Variants in TMEM135 observed in about 807,000 individuals in gnomAD.
TMEM135 encodes peroxisomal membrane protein 52.
A neutral mutation model predicts 60.3 loss-of-function variants in TMEM135; 30 were observed. The observed-to-expected ratio is 0.50, with a 90% CI of 0.37 to 0.68. The LOEUF (loss-of-function observed/expected upper bound fraction) is 0.68. Among genes scored for constraint, TMEM135 ranks in the 30% least tolerant of loss-of-function variants. The probability of loss-of-function intolerance (pLI) is 0.00; values close to 1 mark genes in which losing one functional copy is unlikely to be tolerated. For missense variants in TMEM135, 468 were observed against 548.8 expected, an observed-to-expected ratio of 0.85 and a Z score of 1.47; for synonymous variants, 190 against 186.7, an observed-to-expected ratio of 1.02 and a Z score of -0.14.
intron 8 of TMEM135, among the ~76,000 whole-genome samples, chr11:87,302,727 C>A (rs901700539): frequency 4.6e-5 from 7 of 152,098 alleles, no homozygotes; most frequent in Admixed American, 2.6e-4. Flanking sequence ...TGGAGAACTT[C>A]AGGAAACTGA....
chr11:87,094,096 A>C (rs1857269563), intron 4 of TMEM135, among the ~76,000 whole-genome samples: 1 of 152,126 alleles, frequency 6.6e-6, no homozygotes, highest in African/African-American at 2.4e-5. Flanking sequence ...GATTTTATAC[A>C]AGGAATTTCC....
chr11:87,262,116 A>C lies in TMEM135; in HGVS notation c.509+25432A>C, dbSNP rs185863706. On this transcript the variant is annotated intron_variant, in intron 6 of 14. Coordinates refer to ENST00000305494, the MANE Select transcript of TMEM135 (RefSeq NM_022918.4). ...TATAAATAAGTATTTAAACCTTCTC[A>C]ACAGACATTTACACTATTTGCAGGT... Among the ~76,000 whole-genome samples the C allele has an allele frequency of 1.8e-4, 27 of 152,070 alleles. No homozygotes were observed. The East Asian group carries it at 5.2e-3, about 29-fold the overall frequency.
intron 4 of TMEM135, among the ~76,000 whole-genome samples, chr11:87,137,286 A>T (rs557243252): frequency 1.3e-5 from 2 of 151,666 alleles, no homozygotes; most frequent in South Asian, 4.2e-4. Context: ...AAAATCACTG[A>T]CATGAGGAAT....
chr11:87,235,568 A>G (rs1940977926), intron 5 of TMEM135, among the ~76,000 whole-genome samples: 1 of 151,844 alleles, frequency 6.6e-6, no homozygotes, highest in South Asian at 2.1e-4. Context: ...ATAGCAAAAC[A>G]TTTTTTGCAG....
chr11:87,265,176 T>A (rs1941724513), intron 6 of TMEM135, among the ~76,000 whole-genome samples: 1 of 152,004 alleles, frequency 6.6e-6, no homozygotes, highest in South Asian at 2.1e-4. Context: ...TTAATGCTCA[T>A]TTTATAAACT....
intron 5 of TMEM135, among the ~76,000 whole-genome samples, chr11:87,226,005 A>G (rs1940757873): frequency 6.6e-6 from 1 of 151,904 alleles, no homozygotes; most frequent in Non-Finnish European, 1.5e-5. Flanking sequence ...TCCATCTTTA[A>G]ACTCTCCCAT....
intron 10 of TMEM135, among the ~76,000 whole-genome samples, chr11:87,309,983 T>C (rs1364274327): frequency 1.3e-5 from 2 of 152,182 alleles, no homozygotes; most frequent in African/African-American, 4.8e-5. Flanking sequence ...ATATTTCCAA[T>C]ATCAAAAATG....
At chr11:87,158,101 A>G (rs1355104248) in intron 5 of TMEM135, among the ~76,000 whole-genome samples, 1 of 152,030 alleles carries the variant, frequency 6.6e-6, no homozygotes. Flanking sequence ...AGAAATCCCT[A>G]TTTTTGAGGA....
chr11:87,166,580 G>A (rs186926067), intron 5 of TMEM135, among the ~76,000 whole-genome samples: 1 of 151,828 alleles, frequency 6.6e-6, no homozygotes, highest in East Asian at 1.9e-4. Flanking sequence ...CCCATTGCTT[G>A]CTTTTGTCAG....
At chr11:87,093,906 A>G (rs1176792726) in intron 4 of TMEM135, among the ~76,000 whole-genome samples, 2 of 152,292 alleles carry the variant, frequency 1.3e-5, no homozygotes, top group Admixed American at 6.5e-5. Context: ...TTTTAAAAAG[A>G]TGATAAACAC....
At chr11:87,316,411 GT>G (rs896666323) in intron 12 of TMEM135, among the ~76,000 whole-genome samples, 9 of 151,964 alleles carry the variant, frequency 5.9e-5, no homozygotes, top group African/African-American at 2.2e-4. Flanking sequence ...TAAAGAATTT[GT>G]TTTTTTCTCA....
chr11:87,076,059 A>G (rs1259584019), intron 3 of TMEM135, among the ~76,000 whole-genome samples: 2 of 152,080 alleles, frequency 1.3e-5, no homozygotes, highest in Admixed American at 1.3e-4. Flanking sequence ...ACTTGTGTTC[A>G]CTCAAAGCCC....
In TMEM135 at chr11:87,038,145, G is replaced by T. The variant is rs1397258576; in HGVS notation, c.100G>T (p.Ala34Ser). The T allele has an allele frequency of 2.5e-6, 4 of 1,614,108 alleles. No individual in the cohort carries two copies. The highest frequency in any genetic ancestry group is 1.6e-4 in the Middle Eastern group (1 of 6,062). The change falls in exon 1 of 15, where the codon GCC (alanine) becomes TCC (serine). Residue 34 changes from alanine (A) to serine (S), a missense_variant. Ala to Ser is a moderately conservative substitution (Grantham distance 99). Transcript: ENST00000305494. ...RVSFLQITGG[A>S]LEESLKIYAP... ...CTCCTTCCTGCAGATCACCGGGGGC[G>T]CCCTGGAGGAGTCCCTGAAGATCTA...
At chr11:87,130,414 C>A (rs981883558) in intron 4 of TMEM135, among the ~76,000 whole-genome samples, 1 of 152,080 alleles carries the variant, frequency 6.6e-6, no homozygotes, top group African/African-American at 2.4e-5. Flanking sequence ...TAGGACATAC[C>A]TCTTTGAAAG....
chr11:87,062,079 C>T (rs1452024320), intron 1 of TMEM135, among the ~76,000 whole-genome samples: 1 of 152,102 alleles, frequency 6.6e-6, no homozygotes, highest in Non-Finnish European at 1.5e-5. Flanking sequence ...AATCTCGGCT[C>T]ACTGCAGCCT....
intron 5 of TMEM135, among the ~76,000 whole-genome samples, chr11:87,222,152 G>C (rs1246179449): frequency 2.4e-5 from 3 of 123,200 alleles, no homozygotes; most frequent in East Asian, 4.8e-4. Context: ...ACTGCAGTCC[G>C]GCCTGGGCGA....
intron 6 of TMEM135, among the ~76,000 whole-genome samples, chr11:87,279,295 T>C (rs10898656): frequency 0.37 from 55,569 of 151,882 alleles, 10,812 homozygotes; most frequent in Non-Finnish European, 0.43. Flanking sequence ...TGTCTACTTC[T>C]TTTTTTCTGT....
intron 3 of TMEM135, among the ~76,000 whole-genome samples, chr11:87,073,960 G>A (rs948586999): frequency 6.6e-6 from 1 of 151,722 alleles, no homozygotes; most frequent in African/African-American, 2.4e-5. Context: ...GAGCCACTGC[G>A]CCCAGGCTTA....
intron 3 of TMEM135, among the ~76,000 whole-genome samples, 190 bp from the exon 4 acceptor site, chr11:87,091,172 A>G (rs955801633): frequency 6.6e-6 from 1 of 152,048 alleles, no homozygotes; most frequent in African/African-American, 2.4e-5. Flanking sequence ...GACTTTATGG[A>G]ATTTATTTAG....
Sources: gnomAD v4.1 joint callset for allele counts (sites outside exome capture counted in the v4.1 genomes callset) on GRCh38, gnomAD v4.1.1 for gene constraint, MANE v1.5 for transcripts, NCBI Gene and HGNC (gene_info 2026-07-23, HGNC 2026-07-21) for gene names.